The following MMP21 variants were observed in gnomAD, a reference collection of about 807,000 sequenced individuals.
MMP21 encodes the protein matrix metalloproteinase-21.
MMP21 carries 40 observed loss-of-function variants against 47.8 expected under a neutral mutation model. That is an observed-to-expected ratio of 0.84 (90% CI 0.65 to 1.09). The LOEUF (loss-of-function observed/expected upper bound fraction) is 1.09. Ranked by LOEUF, MMP21 falls within the 50% of genes least tolerant of loss-of-function variation. The pLI, the probability that MMP21 is intolerant of heterozygous loss-of-function variation, is 0.00. For synonymous variants in MMP21, 341 were observed against 318.0 expected (o/e 1.07, Z -0.77); for missense variants, 747 against 775.3 (o/e 0.96, Z 0.43).
chr10:125,771,966 T>C (rs1282083016), intron 4 of MMP21, among the ~76,000 whole-genome samples: 1 of 152,106 alleles, frequency 6.6e-6, no homozygotes, highest in Non-Finnish European at 1.5e-5. Flanking sequence ...CCACCCCGCA[T>C]TCACTGTCCT....
chr10:125,774,115 G>C lies in MMP21; in HGVS notation c.413C>G (p.Pro138Arg), dbSNP rs1321394478. 7.6e-6 allele frequency: 10 copies of C among 1,322,146 alleles called. No individual in the cohort carries two copies. Among genetic ancestry groups the C allele is most frequent in the South Asian group, 2.1e-5 (1 of 46,918 alleles). The allele number at this position is 1,322,146 out of a possible 1,614,324, so 81.9% of individuals were successfully genotyped here. A position where few individuals can be genotyped will look rare whatever the true frequency, so the allele number is the denominator to read the frequency against. Residue 138 changes from proline to arginine, a missense_variant, in exon 2 of 7, where the codon CCC becomes CGC. Physicochemically the swap from Pro to Arg is moderately radical, Grantham distance 103 (BLOSUM62 -2). Coordinates refer to ENST00000368808, the MANE Select transcript of MMP21 (RefSeq NM_147191.1). ...CGGGGAGCGCCTGGAGCGGGCTCTG[G>C]GGGGCGGGCCCGGGGGCGAAGGCGG... ...SAPPSPPGPP[P>R]RARSRRSPRA...
chr10:125,774,237 C>T lies in MMP21; in HGVS notation c.291G>A (p.Ala97=). ...CGTCCAGCTCCCCGCTGGCCGGCAGCGCGTTCGCCCGCTGGAACCTGCGCA... is the reference window on the plus strand; with the variant it reads ...CGTCCAGCTCCCCGCTGGCCGGCAGTGCGTTCGCCCGCTGGAACCTGCGCA... The part of the protein sequence containing the change: ...EAVRRFQRAN[A]LPASGELDAA... The change falls in exon 2 of 7, where the codon GCG becomes GCA. Residue 97 remains alanine, a synonymous_variant. Transcript: ENST00000368808. 7.1e-7 allele frequency: 1 copy of T among 1,401,036 alleles called. No individual in the cohort carries two copies. The highest frequency in any genetic ancestry group is 9.3e-7 in the Non-Finnish European group (1 of 1,080,864). 86.8% of individuals were successfully genotyped at this position (1,401,036 alleles called of 1,614,324 possible).
chr10:125,774,317 GC>G lies in MMP21; in HGVS notation c.210del (p.Ser72ValfsTer38). 9.2e-6 allele frequency: 13 copies of G among 1,412,058 alleles called. No individual in the cohort carries two copies. Among genetic ancestry groups the G allele is most frequent in the Admixed American group, 3.3e-5 (1 of 30,614 alleles). The allele number at this position is 1,412,058 out of a possible 1,614,324, so 87.5% of individuals were successfully genotyped here. A position where few individuals can be genotyped will look rare whatever the true frequency, so the allele number is the denominator to read the frequency against. ...YGWSGVWAAW[G>X]PSPEGPPETP... ...GTCTCCGGCGGCCCCTCGGGACTGGGCCCCCAGGCCGCCCACACCCCTGACC... is the reference window on the plus strand; with the variant it reads ...GTCTCCGGCGGCCCCTCGGGACTGGGCCCCAGGCCGCCCACACCCCTGACC... On this transcript the variant is annotated frameshift_variant, in exon 2 of 7. Coordinates refer to ENST00000368808, the MANE Select transcript of MMP21 (RefSeq NM_147191.1). LOFTEE classifies it high-confidence loss of function.
chr10:125,769,982 TA>T (rs879582367), intron 5 of MMP21, among the ~76,000 whole-genome samples: 141 of 146,270 alleles, frequency 9.6e-4, no homozygotes, highest in African/African-American at 2.0e-3. Flanking sequence ...ACCCCATCTC[TA>T]AAAAAAAAAA....
rs28381318 is a variant in MMP21 at position 125,767,725 on chromosome 10, G to A, written c.1238-21C>T. Reference sequence around the variant, plus strand: ...ATTTCCTGAGAGCCAAACAAAATACGTTCATGTGGTTTATTACTATTAAAT... The same window carrying A: ...ATTTCCTGAGAGCCAAACAAAATACATTCATGTGGTTTATTACTATTAAAT... On this transcript the variant is annotated intron_variant, in intron 5 of 6. Coordinates refer to ENST00000368808, the MANE Select transcript of MMP21 (RefSeq NM_147191.1). The A allele has an allele frequency of 4.6e-3, 7,424 of 1,612,014 alleles. 289 individuals are homozygous for A. In the African/African-American group the frequency reaches 0.082, roughly 18 times the overall value.
At chr10:125,768,139 A>G (rs1378869689) in intron 5 of MMP21, among the ~76,000 whole-genome samples, 2 of 152,192 alleles carry the variant, frequency 1.3e-5, no homozygotes, top group Non-Finnish European at 2.9e-5. Flanking sequence ...TCACTTTCGT[A>G]TCCTAATCAA....
In MMP21 at chr10:125,767,597, T is replaced by A; in HGVS notation, c.1345A>T (p.Ser449Cys). 6.2e-7 allele frequency: 1 copy of A among 1,614,200 alleles called. No homozygotes were observed. The highest frequency in any genetic ancestry group is 1.3e-5 in the African/African-American group (1 of 75,038). ...TCATAAAACGCCGTGTCTAGGGGACTTGGGATGCCAGGAAATCCTTCTGAA... is the reference window on the plus strand; with the variant it reads ...TCATAAAACGCCGTGTCTAGGGGACATGGGATGCCAGGAAATCCTTCTGAA... ...LISEGFPGIP[S>C]PLDTAFYDRR... Residue 449 changes from serine to cysteine, a missense_variant, in exon 6 of 7, where the codon AGT becomes TGT. Coordinates refer to ENST00000368808, the MANE Select transcript of MMP21 (RefSeq NM_147191.1).
Position 125,774,146 on chromosome 10 carries a change from AGGGGGGCGGT to A in MMP21, c.372_381del (p.Pro127ArgfsTer47). ...GGGCCCGGGGGCGAAGGCGGGGCGG[AGGGGGGCGGT>A]GGGCGCATGTCCGGGACCCCGCAGC... On this transcript the variant is annotated frameshift_variant, in exon 2 of 7. Transcript: ENST00000368808. LOFTEE classifies it high-confidence loss of function. The A allele has an allele frequency of 7.8e-7, 1 of 1,278,290 alleles. No homozygotes were observed. Among genetic ancestry groups the A allele is most frequent in the Non-Finnish European group, 9.8e-7 (1 of 1,016,336 alleles). 79.2% of individuals were successfully genotyped at this position (1,278,290 alleles called of 1,614,324 possible). A position where few individuals can be genotyped will look rare whatever the true frequency, so the allele number is the denominator to read the frequency against.
Position 125,775,750 on chromosome 10 carries a change from G to T in MMP21, c.72C>A (p.Pro24=). Residue 24 remains proline, a synonymous_variant, in exon 1 of 7, where the codon CCC becomes CCA. Coordinates refer to ENST00000368808, the MANE Select transcript of MMP21 (RefSeq NM_147191.1). The part of the protein sequence containing the change: ...CWLAAPWPTQ[P]ESLFHSRDRS... ...GGTCCCGGCTGTGGAAGAGACTCTC[G>T]GGCTGGGTGGGCCAGGGAGCAGCCA... 1.2e-6 allele frequency: 2 copies of T among 1,613,584 alleles called. No individual in the cohort carries two copies. Among genetic ancestry groups the T allele is most frequent in the Non-Finnish European group, 1.7e-6 (2 of 1,179,818 alleles).
In MMP21 at chr10:125,772,509, T is replaced by A. The variant is rs1850460392; in HGVS notation, c.837+102A>T. The A allele has an allele frequency of 6.3e-7, 1 of 1,583,188 alleles. No homozygotes were observed. Among genetic ancestry groups the A allele is most frequent in the African/African-American group, 1.3e-5 (1 of 74,498 alleles). On this transcript the variant is annotated intron_variant, in intron 3 of 6. Transcript: ENST00000368808. This position sits in a 1 kb window ranked among gnomAD's most constrained non-coding sequence, Gnocchi z 5.6. ...GGAGCCATTCCACGGATTCACCTCC[T>A]CAGAGGTTGCGGACACTACATGAGA...
In MMP21 at chr10:125,774,192, CATGGCCGCTAGG is replaced by C; in HGVS notation, c.324_335del (p.Leu109_Met112del). 1.5e-6 allele frequency: 2 copies of C among 1,308,470 alleles called. No individual in the cohort carries two copies. The highest frequency in any genetic ancestry group is 1.9e-6 in the Non-Finnish European group (2 of 1,033,846). The allele number at this position is 1,308,470 out of a possible 1,614,324, so 81.1% of individuals were successfully genotyped here. A position where few individuals can be genotyped will look rare whatever the true frequency, so the allele number is the denominator to read the frequency against. ...CCGGGACCCCGCAGCGCGGCCGGTT[CATGGCCGCTAGG>C]GTGGCCGCGTCCAGCTCCCCGCTGG... On this transcript the variant is annotated inframe_deletion, in exon 2 of 7. Coordinates refer to ENST00000368808, the MANE Select transcript of MMP21 (RefSeq NM_147191.1).
At position 125,773,770 on chromosome 10, in the gene MMP21, A is replaced by T. The variant is rs1011442820; in HGVS notation, c.697+61T>A. On this transcript the variant is annotated intron_variant, in intron 2 of 6. Coordinates refer to ENST00000368808, the MANE Select transcript of MMP21 (RefSeq NM_147191.1). The surrounding 1 kb of genome is among the most constrained non-coding windows in gnomAD (Gnocchi z 4.8). ...TTCTGCAGGTGGCCGAGGTGGGGGT[A>T]GGTGCGCCGGGGTCCCCGAGGGGCT... 21 of 1,440,996 alleles carry T rather than the reference A, an allele frequency of 1.5e-5. No individual in the cohort carries two copies. Among genetic ancestry groups the T allele is most frequent in the Non-Finnish European group, 1.9e-5 (21 of 1,102,052 alleles). The allele number at this position is 1,440,996 out of a possible 1,614,324, so 89.3% of individuals were successfully genotyped here. A position where few individuals can be genotyped will look rare whatever the true frequency, so the allele number is the denominator to read the frequency against.
chr10:125,774,067 C>A lies in MMP21; in HGVS notation c.461G>T (p.Arg154Leu), dbSNP rs577090057. The change falls in exon 2 of 7, where the codon CGG becomes CTG. Residue 154 changes from arginine (R) to leucine (L), a missense_variant. Physicochemically the swap from Arg to Leu is moderately radical, Grantham distance 102. Coordinates refer to ENST00000368808, the MANE Select transcript of MMP21 (RefSeq NM_147191.1). ...GTAGCCCCGGGGCTGCCAACCCCGC[C>A]GGGACAAGGACAGCGGCGCCCGCGG... ...RSPRAPLSLS[R>L]RGWQPRGYPD... is the part of the protein sequence containing the mutation. The A allele has an allele frequency of 3.1e-5, 45 of 1,443,378 alleles. No homozygotes were observed. The South Asian group carries it at 5.4e-4, about 17-fold the overall frequency. 89.4% of individuals were successfully genotyped at this position (1,443,378 alleles called of 1,614,324 possible). A position where few individuals can be genotyped will look rare whatever the true frequency, so the allele number is the denominator to read the frequency against.
chr10:125,767,002 TTAA>T (rs1456339433), intron 6 of MMP21, 41 bp from the exon 7 acceptor site: 6 of 1,481,036 alleles, frequency 4.1e-6, no homozygotes, highest in African/African-American at 2.8e-5. Context: ...CTGAAAATTA[TTAA>T]TATTTTTTGG....
In MMP21 at chr10:125,772,625, T is replaced by C; in HGVS notation, c.823A>G (p.Ile275Val). 1 of 1,614,230 alleles carries C rather than the reference T, an allele frequency of 6.2e-7. No individual in the cohort carries two copies. Among genetic ancestry groups the C allele is most frequent in the Non-Finnish European group, 8.5e-7 (1 of 1,180,028 alleles). ...HFTPPTSDTG[I>V]SLLKVAVHEI... ...GGACCACTGACCTTGAGAAGGCTGA[T>C]GCCCGTGTCACTGGTGGGAGGTGTG... The change falls in exon 3 of 7, where the codon ATC (isoleucine) becomes GTC (valine). Residue 275 changes from isoleucine (I) to valine (V), a missense_variant. By Grantham distance (29) the Ile-to-Val change is conservative. Coordinates refer to ENST00000368808, the MANE Select transcript of MMP21 (RefSeq NM_147191.1). The surrounding 1 kb of genome is among the most constrained non-coding windows in gnomAD (Gnocchi z 5.6).
Position 125,774,105 on chromosome 10 carries a change from G to T in MMP21, c.423C>A (p.Arg141=). 1 of 1,343,410 alleles carries T rather than the reference G, an allele frequency of 7.4e-7. No homozygotes were observed. Among genetic ancestry groups the T allele is most frequent in the South Asian group, 1.9e-5 (1 of 51,728 alleles). The allele number at this position is 1,343,410 out of a possible 1,614,324, so 83.2% of individuals were successfully genotyped here. The change falls in exon 2 of 7, where the codon CGC becomes CGA. Residue 141 remains arginine (R), a synonymous_variant. Coordinates refer to ENST00000368808, the MANE Select transcript of MMP21 (RefSeq NM_147191.1). ...GCGGCGCCCGCGGGGAGCGCCTGGA[G>T]CGGGCTCTGGGGGGCGGGCCCGGGG... ...PSPPGPPPRA[R]SRRSPRAPLS...
chr10:125,772,310 C>G lies in MMP21; in HGVS notation c.887G>C (p.Arg296Thr), dbSNP rs1482503153. 6.2e-7 allele frequency: 1 copy of G among 1,614,048 alleles called. No homozygotes were observed. Among genetic ancestry groups the G allele is most frequent in the African/African-American group, 1.3e-5 (1 of 74,916 alleles). The change falls in exon 4 of 7, where the codon AGG becomes ACG. Residue 296 changes from arginine to threonine, a missense_variant. Physicochemically the swap from Arg to Thr is moderately conservative, Grantham distance 71 (BLOSUM62 -1). Transcript: ENST00000368808. This position sits in a 1 kb window ranked among gnomAD's most constrained non-coding sequence, Gnocchi z 5.6. The part of the protein sequence containing the change: ...GHVLGLPHTY[R>T]TGSIMQPNYI... Reference sequence around the variant, plus strand: ...ATTTGGTTGCATTATGGATCCCGTCCTGTAGGTGTGAGGCAAGCCCAGGAC... The same window carrying G: ...ATTTGGTTGCATTATGGATCCCGTCGTGTAGGTGTGAGGCAAGCCCAGGAC...
In MMP21 at chr10:125,772,347, C is replaced by T. The variant is rs771826805; in HGVS notation, c.850G>A (p.Glu284Lys). Residue 284 changes from glutamate (E) to lysine (K), a missense_variant, in exon 4 of 7, where the codon GAA (glutamate) becomes AAA (lysine). Glu to Lys is a moderately conservative substitution (Grantham distance 56). Coordinates refer to ENST00000368808, the MANE Select transcript of MMP21 (RefSeq NM_147191.1). This position sits in a 1 kb window ranked among gnomAD's most constrained non-coding sequence, Gnocchi z 5.6. ...GGCAAGCCCAGGACATGGCCAATTTCATGGACGGCCACCTAGAAGGGGACA... is the reference window on the plus strand; with the variant it reads ...GGCAAGCCCAGGACATGGCCAATTTTATGGACGGCCACCTAGAAGGGGACA... ...GISLLKVAVH[E>K]IGHVLGLPHT... 23 of 1,613,956 alleles carry T rather than the reference C, an allele frequency of 1.4e-5. No homozygotes were observed. Among genetic ancestry groups the T allele is most frequent in the Non-Finnish European group, 1.9e-5 (22 of 1,180,034 alleles).
chr10:125,768,037 T>A (rs911052601), intron 5 of MMP21, among the ~76,000 whole-genome samples: 3 of 152,198 alleles, frequency 2.0e-5, no homozygotes, highest in African/African-American at 7.2e-5. Context: ...GCAAAAATCA[T>A]GTCATTTTTA....
Sources: gnomAD v4.1 joint callset for allele counts (sites outside exome capture counted in the v4.1 genomes callset) on GRCh38, gnomAD v4.1.1 for gene constraint, Gnocchi (gnomAD v3.1) non-coding constraint, MANE v1.5 for transcripts, NCBI Gene and HGNC (gene_info 2026-07-23, HGNC 2026-07-21) for gene names.